Variants in DPYD observed in about 807,000 individuals in gnomAD.
DPYD encodes dihydropyrimidine dehydrogenase [NADP(+)].
Under a neutral mutation model 116.2 loss-of-function variants are expected in DPYD, and 109 were observed. That is an observed-to-expected ratio of 0.94 (90% CI 0.80 to 1.10). The LOEUF (loss-of-function observed/expected upper bound fraction) is 1.10, where lower values mean the gene tolerates loss of function less well. Ranked by LOEUF, DPYD falls within the 50% of genes least tolerant of loss-of-function variation. The pLI is 0.00. For missense variants in DPYD, 1,302 were observed against 1,254.5 expected, an observed-to-expected ratio of 1.04 and a Z score of -0.57; for synonymous variants, 440 against 432.0, an observed-to-expected ratio of 1.02 and a Z score of -0.23.
At chr1:97,681,495 AG>A (rs1249479937) in intron 7 of DPYD, among the ~76,000 whole-genome samples, 2 of 152,130 alleles carry the variant, frequency 1.3e-5, no homozygotes, top group African/African-American at 4.8e-5. Flanking sequence ...GTTTATAATA[AG>A]GGGACAACCA....
Position 97,768,958 on chromosome 1 carries a change from CA to C in DPYD, c.234-28480del, listed in dbSNP as rs1456295328. Among the ~76,000 whole-genome samples the C allele has an allele frequency of 2.8e-4, 42 of 151,238 alleles. 1 individual carries two copies. Among genetic ancestry groups the C allele is most frequent in the Admixed American group, 2.8e-3 (42 of 15,180 alleles). On this transcript the variant is annotated intron_variant, in intron 3 of 22. Coordinates refer to ENST00000370192, the MANE Select transcript of DPYD (RefSeq NM_000110.4). Reference sequence around the variant, plus strand: ...CCACGATATAATCAAAAAATCTCCACAAAATAAAGAAAAAAACACATAAAAA... The same window carrying C: ...CCACGATATAATCAAAAAATCTCCACAAATAAAGAAAAAAACACATAAAAA...
chr1:97,758,317 T>C (rs1665370567), intron 3 of DPYD, among the ~76,000 whole-genome samples: 1 of 150,828 alleles, frequency 6.6e-6, no homozygotes, highest in African/African-American at 2.4e-5. Flanking sequence ...CATTACCCCA[T>C]ATCCTCTTCA....
chr1:97,355,620 G>C (rs956611437), intron 16 of DPYD, among the ~76,000 whole-genome samples: 2 of 151,898 alleles, frequency 1.3e-5, no homozygotes. Context: ...TCTACTTTCT[G>C]TTTCTTTAGT....
intron 18 of DPYD, among the ~76,000 whole-genome samples, chr1:97,282,217 T>C (rs775820961): frequency 6.6e-6 from 1 of 152,138 alleles, no homozygotes; most frequent in Non-Finnish European, 1.5e-5. Flanking sequence ...TGAGAAGTCA[T>C]AGACCTTGAT....
At chr1:97,231,660 G>T (rs530087832) in intron 19 of DPYD, among the ~76,000 whole-genome samples, 4 of 152,208 alleles carry the variant, frequency 2.6e-5, no homozygotes, top group African/African-American at 9.6e-5. Context: ...GATTTGAATT[G>T]TAATCTCACA....
At chr1:97,281,223 A>G (rs1215480847) in intron 18 of DPYD, among the ~76,000 whole-genome samples, 1 of 152,024 alleles carries the variant, frequency 6.6e-6, no homozygotes, top group African/African-American at 2.4e-5. Context: ...GAAAATGGGA[A>G]GAAAAAATGA....
intron 20 of DPYD, among the ~76,000 whole-genome samples, chr1:97,174,924 A>G (rs1215588809): frequency 3.3e-5 from 5 of 152,164 alleles, no homozygotes; most frequent in African/African-American, 4.8e-5. Context: ...TTCAAATAAT[A>G]TGGATTTGTT....
intron 3 of DPYD, among the ~76,000 whole-genome samples, chr1:97,820,359 G>A (rs185784379): frequency 2.0e-5 from 3 of 152,084 alleles, no homozygotes; most frequent in East Asian, 1.9e-4. Context: ...ATCTCTTTTC[G>A]GACCTCAGCC....
chr1:97,641,532 T>C (rs1657905397), intron 8 of DPYD, among the ~76,000 whole-genome samples: 1 of 152,116 alleles, frequency 6.6e-6, no homozygotes, highest in Non-Finnish European at 1.5e-5. Context: ...AGAAAGGGCT[T>C]TCGATAAAAT....
intron 13 of DPYD, among the ~76,000 whole-genome samples, chr1:97,499,351 A>AT (rs1679448177): frequency 6.6e-6 from 1 of 151,876 alleles, no homozygotes; most frequent in African/African-American, 2.4e-5. Flanking sequence ...TGAAATAAAT[A>AT]TTTTTATTTT....
At chr1:97,500,140 A>G (rs956689854) in intron 13 of DPYD, among the ~76,000 whole-genome samples, 29 of 152,156 alleles carry the variant, frequency 1.9e-4, no homozygotes, top group African/African-American at 6.3e-4. Context: ...AACAATAAAA[A>G]CAACAAAGCA....
intron 5 of DPYD, chr1:97,720,722 G>T (rs953826892): frequency 2.4e-5 from 34 of 1,417,822 alleles, no homozygotes; most frequent in Admixed American, 1.6e-4. Flanking sequence ...CTAGGTTGAC[G>T]GGCACTTAAT....
In DPYD at chr1:97,374,718, GAAAAAAAAAAA is replaced by G. The variant is rs144889184; in HGVS notation, c.1975-1085_1975-1075del. 1.0e-3 allele frequency among the ~76,000 whole-genome samples: 54 copies of G among 52,612 alleles called. 2 individuals carry two copies. Among genetic ancestry groups the G allele is most frequent in the South Asian group, 8.2e-3 (10 of 1,224 alleles). 34.5% of individuals were successfully genotyped at this position (52,612 alleles called of 152,430 possible). ...TGGGAAAGAGCAAGACTCCGTCTCA[GAAAAAAAAAAA>G]AAAAAAAAAAAAAAAAAAAAGTTAT... On this transcript the variant is annotated intron_variant, in intron 15 of 22. Coordinates refer to ENST00000370192, the MANE Select transcript of DPYD (RefSeq NM_000110.4).
At chr1:97,256,371 A>C (rs1663465820) in intron 18 of DPYD, among the ~76,000 whole-genome samples, 1 of 151,770 alleles carries the variant, frequency 6.6e-6, no homozygotes, top group Non-Finnish European at 1.5e-5. Flanking sequence ...TTTCATCTTG[A>C]ATTGTAGCTT....
At position 97,128,808 on chromosome 1, in the gene DPYD, C is replaced by A. The variant is rs147733529; in HGVS notation, c.2623-30176G>T. 4.7e-3 allele frequency among the ~76,000 whole-genome samples: 712 copies of A among 152,156 alleles called. 11 individuals carry two copies. Among genetic ancestry groups the A allele is most frequent in the African/African-American group, 0.016 (671 of 41,512 alleles). On this transcript the variant is annotated intron_variant, in intron 20 of 22. Coordinates refer to ENST00000370192, the MANE Select transcript of DPYD (RefSeq NM_000110.4). ...TTTTTGTTTTTTGCTTTTTTCTCTC[C>A]TAAAGATTAAAGTAAATATTTCCTG... is the stretch of plus-strand genomic sequence containing the variant.
At chr1:97,203,256 G>T (rs893672417) in intron 19 of DPYD, among the ~76,000 whole-genome samples, 8 of 152,072 alleles carry the variant, frequency 5.3e-5, no homozygotes, top group East Asian at 1.9e-4. Context: ...ATAAAAGTGG[G>T]GTAAGAAAAG....
chr1:97,828,033 A>G, intron 3 of DPYD, 81 bp downstream of exon 3: 1 of 1,298,996 alleles, frequency 7.7e-7, no homozygotes, highest in Non-Finnish European at 1.1e-6. Context: ...GGTGGCAATG[A>G]ACTCATTTGT....
At chr1:97,494,682 C>T (rs1263812252) in intron 13 of DPYD, among the ~76,000 whole-genome samples, 2 of 151,746 alleles carry the variant, frequency 1.3e-5, no homozygotes, top group African/African-American at 2.4e-5. Flanking sequence ...GATCAGGCTA[C>T]AGTGAGCTGT....
chr1:97,803,950 A>C (rs1038163761), intron 3 of DPYD, among the ~76,000 whole-genome samples: 1 of 151,848 alleles, frequency 6.6e-6, no homozygotes, highest in Non-Finnish European at 1.5e-5. Context: ...CCATTTTTAA[A>C]GTGAAAATAA....
Sources: gnomAD v4.1 joint callset for allele counts (sites outside exome capture counted in the v4.1 genomes callset) on GRCh38, gnomAD v4.1.1 for gene constraint, MANE v1.5 for transcripts, NCBI Gene and HGNC (gene_info 2026-07-23, HGNC 2026-07-21) for gene names.